DLG2: variants seen among roughly 807,000 people sequenced by gnomAD.
DLG2 encodes the protein disks large homolog 2.
Under a neutral mutation model 132.5 loss-of-function variants are expected in DLG2, and 45 were observed. The ratio of observed to expected loss-of-function variants is 0.34; its 90% CI spans 0.27 to 0.44. DLG2 has a LOEUF of 0.44. Among genes scored for constraint, DLG2 ranks in the 20% least tolerant of loss-of-function variants. The pLI, the probability that DLG2 is intolerant of heterozygous loss-of-function variation, is 1.00. For missense variants in DLG2, 1,045 were observed against 1,196.9 expected, an observed-to-expected ratio of 0.87 and a Z score of 1.87; for synonymous variants, 424 against 419.6, an observed-to-expected ratio of 1.01 and a Z score of -0.13.
At chr11:85,360,202 T>A (rs1267980432) in intron 3 of DLG2, among the ~76,000 whole-genome samples, 1 of 152,180 alleles carries the variant, frequency 6.6e-6, no homozygotes, top group African/African-American at 2.4e-5. Context: ...AAACAAGGGT[T>A]TTAAAATAAA....
chr11:83,882,403 A>T (rs578259391), intron 15 of DLG2, among the ~76,000 whole-genome samples: 6 of 152,384 alleles, frequency 3.9e-5, no homozygotes, highest in African/African-American at 1.2e-4. Flanking sequence ...TAAGAAATCA[A>T]GCATGTTGGG....
At position 84,632,426 on chromosome 11, in the gene DLG2, G is replaced by T. The variant is rs558613123; in HGVS notation, c.358-97695C>A. ...CTTTATTGACTCTTTTAGTTTTAAG[G>T]TCAGTTGACCCAGAAAAAGAAGAGT... is the stretch of plus-strand genomic sequence containing the variant. On this transcript the variant is annotated intron_variant, in intron 6 of 27. Transcript: ENST00000376104. 1.4e-4 allele frequency among the ~76,000 whole-genome samples: 21 copies of T among 152,200 alleles called. No individual in the cohort carries two copies. In the East Asian group the frequency reaches 3.3e-3, roughly 24 times the overall value.
chr11:84,947,101 G>C (rs1310721028), intron 6 of DLG2, among the ~76,000 whole-genome samples: 1 of 152,182 alleles, frequency 6.6e-6, no homozygotes, highest in Middle Eastern at 3.2e-3. Context: ...CCAGGGGATG[G>C]GTGAGGGATG....
intron 4 of DLG2, among the ~76,000 whole-genome samples, chr11:85,226,545 C>T (rs1313716039): frequency 6.6e-6 from 1 of 151,744 alleles, no homozygotes; most frequent in African/African-American, 2.4e-5. Context: ...AGAGCAAGAC[C>T]CTGTCTTTAA....
chr11:84,156,266 G>A (rs1013559983), intron 9 of DLG2, among the ~76,000 whole-genome samples: 26 of 152,122 alleles, frequency 1.7e-4, no homozygotes, highest in African/African-American at 6.3e-4. Flanking sequence ...AGCAAATGCA[G>A]CTAAGTCAAG....
At chr11:84,163,436 T>C in intron 9 of DLG2, 25 bp downstream of exon 9, 2 of 1,585,470 alleles carry the variant, frequency 1.3e-6, no homozygotes, top group African/African-American at 1.4e-5. Context: ...ATTGGGGCTT[T>C]GGATTTTTCA....
intron 11 of DLG2, among the ~76,000 whole-genome samples, chr11:83,986,166 G>A (rs1000646804): frequency 9.3e-5 from 14 of 151,026 alleles, no homozygotes; most frequent in Admixed American, 2.0e-4. Flanking sequence ...CCATTAACTC[G>A]TCATTTAGCA....
chr11:83,850,162 T>TGTGTGTGTGTGTG (rs59045992), intron 16 of DLG2, among the ~76,000 whole-genome samples: 4,779 of 115,216 alleles, frequency 0.041, 109 homozygotes, highest in Middle Eastern at 0.062. Context: ...GTGTGTGTGT[T>TGTGTGTGTGTGTG]TTTTTACTTG....
chr11:85,571,944 G>T (rs2077866358), intron 3 of DLG2, among the ~76,000 whole-genome samples: 1 of 152,142 alleles, frequency 6.6e-6, no homozygotes, highest in Non-Finnish European at 1.5e-5. Context: ...TATACCCGTA[G>T]CAGAAATGCA....
chr11:85,151,431 A>T (rs2077242911), intron 5 of DLG2, among the ~76,000 whole-genome samples: 1 of 151,708 alleles, frequency 6.6e-6, no homozygotes, highest in African/African-American at 2.4e-5. Flanking sequence ...GTCATATTCA[A>T]GAAATTGTTG....
chr11:84,214,284 TA>T (rs2096804182), intron 8 of DLG2, among the ~76,000 whole-genome samples: 1 of 147,366 alleles, frequency 6.8e-6, no homozygotes, highest in Non-Finnish European at 1.5e-5. Context: ...CATATATGAA[TA>T]TATATATGAG....
intron 4 of DLG2, among the ~76,000 whole-genome samples, chr11:85,224,613 T>A (rs751189551): frequency 1.3e-5 from 2 of 152,186 alleles, no homozygotes; most frequent in Admixed American, 6.5e-5. Context: ...ATCAAAACTC[T>A]TAGTAATAAG....
At chr11:83,654,315 T>A (rs1254774627) in intron 18 of DLG2, among the ~76,000 whole-genome samples, 1 of 152,192 alleles carries the variant, frequency 6.6e-6, no homozygotes, top group Non-Finnish European at 1.5e-5. Flanking sequence ...CAATTTGATC[T>A]GCCCTCTGCT....
intron 3 of DLG2, among the ~76,000 whole-genome samples, chr11:85,542,252 T>G (rs1173322326): frequency 2.0e-5 from 3 of 152,206 alleles, no homozygotes; most frequent in Non-Finnish European, 4.4e-5. Context: ...AAGTAGAAAT[T>G]ACACCAAAAG....
intron 6 of DLG2, among the ~76,000 whole-genome samples, chr11:85,057,505 T>C (rs1315306100): frequency 1.3e-5 from 2 of 151,522 alleles, no homozygotes; most frequent in Non-Finnish European, 3.0e-5. Flanking sequence ...GATAAATAAA[T>C]TGAATTACTA....
intron 6 of DLG2, among the ~76,000 whole-genome samples, chr11:84,593,131 A>C (rs1357931575): frequency 6.6e-6 from 1 of 151,598 alleles, no homozygotes; most frequent in Admixed American, 6.6e-5. Context: ...AAAAAAAAAA[A>C]AAGTCAGGAA....
intron 21 of DLG2, among the ~76,000 whole-genome samples, chr11:83,518,834 C>T (rs1038083463): frequency 5.3e-5 from 8 of 151,974 alleles, no homozygotes; most frequent in African/African-American, 9.7e-5. Flanking sequence ...TGAGAATTAA[C>T]GATAAATAAA....
At chr11:85,024,973 T>A (rs1018190980) in intron 6 of DLG2, among the ~76,000 whole-genome samples, 4 of 152,164 alleles carry the variant, frequency 2.6e-5, no homozygotes, top group African/African-American at 9.7e-5. Flanking sequence ...GGCAAAATAA[T>A]CCTCATTCAG....
At chr11:85,447,954 C>A (rs922886877) in intron 3 of DLG2, among the ~76,000 whole-genome samples, 4 of 152,096 alleles carry the variant, frequency 2.6e-5, no homozygotes, top group Non-Finnish European at 5.9e-5. Flanking sequence ...TCTAGGAATT[C>A]TCTGAACTTG....
Sources: allele counts gnomAD v4.1 joint callset (sites outside exome capture counted in the v4.1 genomes callset), GRCh38; gene constraint gnomAD v4.1.1; transcripts MANE v1.5; gene names NCBI Gene and HGNC (gene_info 2026-07-23, HGNC 2026-07-21).